Variants in CDH4 observed in about 807,000 individuals in gnomAD.
CDH4 encodes the protein cadherin-4.
Under a neutral mutation model 86.0 loss-of-function variants are expected in CDH4, and 33 were observed. The observed-to-expected ratio is 0.38, with a 90% confidence interval of 0.29 to 0.51. The LOEUF is 0.51. CDH4 is among the 20% of genes least tolerant of loss of function. The probability of loss-of-function intolerance (pLI) is 0.86; values close to 1 mark genes in which losing one functional copy is unlikely to be tolerated. For missense variants in CDH4, 1,114 were observed against 1,307.4 expected (o/e 0.85, Z 2.28); for synonymous variants, 555 against 549.4 (o/e 1.01, Z -0.14).
At chr20:61,806,575 G>GCACA (rs11474177) in intron 4 of CDH4, among the ~76,000 whole-genome samples, 1 of 151,788 alleles carries the variant, frequency 6.6e-6, no homozygotes, top group East Asian at 2.0e-4. Context: ...CCACGCGCAC[G>GCACA]CACACACACA....
intron 2 of CDH4, among the ~76,000 whole-genome samples, chr20:61,367,867 C>CTTT (rs372521090): frequency 5.6e-4 from 67 of 119,048 alleles, no homozygotes; most frequent in African/African-American, 1.3e-3. Flanking sequence ...TCTCCAGGAT[C>CTTT]TTTTTTTTTT....
chr20:61,873,852 C>T lies in CDH4; in HGVS notation c.1002C>T (p.Asn334=). 6.2e-7 allele frequency: 1 copy of T among 1,614,162 alleles called. No homozygotes were observed. Among genetic ancestry groups the T allele is most frequent in the Non-Finnish European group, 8.5e-7 (1 of 1,180,042 alleles). Residue 334 remains asparagine, a synonymous_variant, in exon 7 of 16, where the codon AAC becomes AAT. Coordinates refer to ENST00000614565, the MANE Select transcript of CDH4 (RefSeq NM_001794.5). ...QSPSQNMFTI[N]SETGDIVTVA... is the part of the protein sequence containing the mutation. ...CGTCCCAGAATATGTTCACCATCAA[C>T]AGCGAGACTGGAGATATCGTCACAG...
chr20:61,643,650 G>A (rs2427221), intron 2 of CDH4, among the ~76,000 whole-genome samples: 28,169 of 152,180 alleles, frequency 0.19, 2,662 homozygotes, highest in South Asian at 0.28. Flanking sequence ...TGAGACCTCA[G>A]GACTCCACCA....
chr20:61,657,089 T>C (rs2087200226), intron 2 of CDH4, among the ~76,000 whole-genome samples: 1 of 152,252 alleles, frequency 6.6e-6, no homozygotes, highest in Admixed American at 6.5e-5. Flanking sequence ...GCAAATCTAA[T>C]GACTGGGCTT....
chr20:61,777,994 G>T (rs372155162), intron 4 of CDH4, among the ~76,000 whole-genome samples: 74 of 152,068 alleles, frequency 4.9e-4, no homozygotes, highest in African/African-American at 1.6e-3. Context: ...GCACACACAC[G>T]TGCACACTAT....
At chr20:61,311,522 T>C (rs2084445576) in intron 2 of CDH4, among the ~76,000 whole-genome samples, 1 of 152,172 alleles carries the variant, frequency 6.6e-6, no homozygotes, top group African/African-American at 2.4e-5. Context: ...GATTCAGATA[T>C]TTAGTAAACA....
intron 2 of CDH4, among the ~76,000 whole-genome samples, chr20:61,372,051 G>A (rs2084843812): frequency 6.6e-6 from 1 of 152,196 alleles, no homozygotes; most frequent in Admixed American, 6.5e-5. Flanking sequence ...TTCTGTGTTT[G>A]GATTCCATAC....
chr20:61,698,979 C>T (rs991032638), intron 2 of CDH4, among the ~76,000 whole-genome samples: 2 of 152,252 alleles, frequency 1.3e-5, no homozygotes, highest in African/African-American at 4.8e-5. Flanking sequence ...GGTTGCATCC[C>T]GTTACAGATT....
Position 61,879,720 on chromosome 20 carries a change from AGC to A in CDH4, c.1050+5821_1050+5822del, listed in dbSNP as rs749598411. Among the ~76,000 whole-genome samples the A allele has an allele frequency of 1.6e-3, 251 of 152,212 alleles. No individual in the cohort carries two copies. The highest frequency in any genetic ancestry group is 2.6e-3 in the Non-Finnish European group (179 of 68,012). ...AATGAGGAGGTGAACGTGCCGCCCG[AGC>A]CCCGTCCTGAAGGTGAGAGTGGGCT... On this transcript the variant is annotated intron_variant, in intron 7 of 15. Transcript: ENST00000614565. The surrounding 1 kb of genome is among the most constrained non-coding windows in gnomAD (Gnocchi z 4.1).
chr20:61,521,436 T>C lies in CDH4; in HGVS notation c.170-222127T>C, dbSNP rs1011448057. Reference sequence around the variant, plus strand: ...GAGGCAGCGTCAGCCCTGTCTCTCTTTTGCTGGAAGGTTTACAAGTTGAGC... The same window carrying C: ...GAGGCAGCGTCAGCCCTGTCTCTCTCTTGCTGGAAGGTTTACAAGTTGAGC... On this transcript the variant is annotated intron_variant, in intron 2 of 15. Coordinates refer to ENST00000614565, the MANE Select transcript of CDH4 (RefSeq NM_001794.5). Among the ~76,000 whole-genome samples the C allele has an allele frequency of 3.3e-5, 5 of 152,176 alleles. No homozygotes were observed. The East Asian group carries it at 9.6e-4, about 29-fold the overall frequency.
chr20:61,331,826 G>T (rs948322255), intron 2 of CDH4, among the ~76,000 whole-genome samples: 2 of 151,786 alleles, frequency 1.3e-5, no homozygotes, highest in Non-Finnish European at 2.9e-5. Context: ...CTGGCTTTCT[G>T]TCTCTTCCCC....
intron 2 of CDH4, among the ~76,000 whole-genome samples, chr20:61,728,872 G>C (rs1380537836): frequency 6.6e-6 from 1 of 152,188 alleles, no homozygotes; most frequent in Non-Finnish European, 1.5e-5. Flanking sequence ...TTGAATGAGA[G>C]AGCAAAAGTC....
At chr20:61,465,424 C>T (rs2085466864) in intron 2 of CDH4, among the ~76,000 whole-genome samples, 2 of 151,966 alleles carry the variant, frequency 1.3e-5, no homozygotes, top group South Asian at 4.1e-4. Context: ...TGTTTTCTAG[C>T]AAGTTTCTAG....
At chr20:61,507,584 GA>G (rs1470730936) in intron 2 of CDH4, among the ~76,000 whole-genome samples, 1 of 151,522 alleles carries the variant, frequency 6.6e-6, no homozygotes, top group African/African-American at 2.4e-5. Flanking sequence ...ATTTTTCTAG[GA>G]AAAAAAAGGG....
chr20:61,804,363 C>T (rs997076804), intron 4 of CDH4, among the ~76,000 whole-genome samples: 8 of 152,208 alleles, frequency 5.3e-5, no homozygotes, highest in Non-Finnish European at 8.8e-5. Context: ...AGAGCTGTCC[C>T]CTGCACAGCC....
chr20:61,389,225 C>G (rs932554676), intron 2 of CDH4, among the ~76,000 whole-genome samples: 1 of 152,228 alleles, frequency 6.6e-6, no homozygotes, highest in African/African-American at 2.4e-5. Flanking sequence ...GGTGCAGGCT[C>G]TGCCTCCTCT....
intron 2 of CDH4, among the ~76,000 whole-genome samples, chr20:61,426,973 T>C (rs1200063294): frequency 6.6e-6 from 1 of 152,242 alleles, no homozygotes; most frequent in Admixed American, 6.5e-5. Context: ...TCCAGGCAAG[T>C]GATGTTTCTC....
At chr20:61,921,428 C>A (rs1034732178) in intron 9 of CDH4, among the ~76,000 whole-genome samples, 5 of 152,214 alleles carry the variant, frequency 3.3e-5, no homozygotes, top group African/African-American at 1.2e-4. Flanking sequence ...ATCCTCCGCA[C>A]CTAAATCTGT....
intron 4 of CDH4, among the ~76,000 whole-genome samples, chr20:61,804,073 G>A (rs930328811): frequency 2.6e-5 from 4 of 152,240 alleles, no homozygotes; most frequent in Admixed American, 1.3e-4. Context: ...ACACGAGCTT[G>A]TTGTTGGTAA....
Sources: gnomAD v4.1 joint callset for allele counts (sites outside exome capture counted in the v4.1 genomes callset) on GRCh38, gnomAD v4.1.1 for gene constraint, Gnocchi (gnomAD v3.1) non-coding constraint, MANE v1.5 for transcripts, NCBI Gene and HGNC (gene_info 2026-07-23, HGNC 2026-07-21) for gene names.